SCOC: variants seen among roughly 807,000 people sequenced by gnomAD.
The protein encoded by SCOC is short coiled-coil protein.
SCOC carries 7 observed loss-of-function variants against 9.9 expected under a neutral mutation model. The ratio of observed to expected loss-of-function variants is 0.71; its 90% CI spans 0.40 to 1.33. SCOC has a LOEUF of 1.33. Ranked by LOEUF, SCOC falls within the 40% of genes most tolerant of loss-of-function variation. The pLI, the probability that SCOC is intolerant of heterozygous loss-of-function variation, is 0.01. For missense variants in SCOC, 66 were observed against 89.7 expected (o/e 0.74, Z 1.07); for synonymous variants, 19 against 28.2 (o/e 0.67, Z 1.03).
intron 1 of SCOC, among the ~76,000 whole-genome samples, chr4:140,273,415 A>T (rs1730895226): frequency 1.3e-5 from 2 of 152,094 alleles, no homozygotes; most frequent in South Asian, 4.1e-4. Context: ...CTTTGGAAAG[A>T]TATTTTTTTC....
At chr4:140,365,246 C>A (rs1208073917) in intron 2 of SCOC, among the ~76,000 whole-genome samples, 1 of 149,782 alleles carries the variant, frequency 6.7e-6, no homozygotes, top group African/African-American at 2.5e-5. Context: ...CTAACAGATA[C>A]CACAGCAGAG....
intron 1 of SCOC, among the ~76,000 whole-genome samples, chr4:140,306,804 A>G (rs376050679): frequency 6.6e-6 from 1 of 152,198 alleles, no homozygotes; most frequent in African/African-American, 2.4e-5. Context: ...GGAATGATCG[A>G]CATTCCCTTG....
rs1365932734 is a variant in SCOC, at chr4:140,384,101, T to A, written c.*2997T>A. ...TCATGAGGTTCCTTGTATCAAAACT[T>A]TGTCTATTCCCTTCTATCTTTGCTT... On this transcript the variant is annotated 3_prime_UTR_variant, in exon 4 of 4. Transcript: ENST00000608372. The A allele has an allele frequency of 6.6e-6, 1 of 152,214 alleles. No individual in the cohort carries two copies. The highest frequency in any genetic ancestry group is 1.9e-4 in the East Asian group (1 of 5,188). 9.4% of individuals were successfully genotyped at this position (152,214 alleles called of 1,614,324 possible).
At chr4:140,345,750 CAT>C (rs952206580) in intron 2 of SCOC, among the ~76,000 whole-genome samples, 10 of 151,928 alleles carry the variant, frequency 6.6e-5, no homozygotes, top group African/African-American at 2.4e-4. Flanking sequence ...TGTACATATA[CAT>C]ATATATATGT....
intron 2 of SCOC, among the ~76,000 whole-genome samples, chr4:140,345,345 C>T (rs1049506287): frequency 1.3e-5 from 2 of 152,136 alleles, no homozygotes; most frequent in African/African-American, 4.8e-5. Flanking sequence ...AGCATAATAA[C>T]CAGTGGTGGA....
chr4:140,279,650 C>T (rs1297263938), intron 1 of SCOC, among the ~76,000 whole-genome samples: 1 of 152,202 alleles, frequency 6.6e-6, no homozygotes, highest in Admixed American at 6.5e-5. Flanking sequence ...AAAAGGCCTG[C>T]TGCCACCAGC....
At position 140,306,578 on chromosome 4, in the gene SCOC, A is replaced by G. The variant is rs72937791; in HGVS notation, c.-18-37043A>G. 8.4e-3 allele frequency among the ~76,000 whole-genome samples: 1,275 copies of G among 152,096 alleles called. 7 individuals are homozygous for G. Among genetic ancestry groups the G allele is most frequent in the African/African-American group, 0.029 (1,189 of 41,480 alleles). On this transcript the variant is annotated intron_variant, in intron 1 of 4. Coordinates refer to the SCOC transcript ENST00000394205. The stretch of plus-strand genomic sequence containing the variant: ...AGAGGTATCAAGGAGATGTGCCTGG[A>G]CCACCCAGACAACACTGGAGGCCTG...
At chr4:140,283,207 C>A (rs1157425735) in intron 1 of SCOC, among the ~76,000 whole-genome samples, 2 of 152,124 alleles carry the variant, frequency 1.3e-5, no homozygotes, top group African/African-American at 4.8e-5. Flanking sequence ...GAGACCTGCC[C>A]ATTTTACTAA....
intron 1 of SCOC, among the ~76,000 whole-genome samples, chr4:140,295,582 C>G (rs1398007510): frequency 6.6e-6 from 1 of 152,142 alleles, no homozygotes; most frequent in Non-Finnish European, 1.5e-5. Flanking sequence ...GGCGTGGCCC[C>G]GCCTGCTGGC....
At chr4:140,365,206 C>A (rs1578865857) in intron 2 of SCOC, among the ~76,000 whole-genome samples, 1 of 146,648 alleles carries the variant, frequency 6.8e-6, no homozygotes, top group East Asian at 2.0e-4. Context: ...TGAAGGGTTT[C>A]AAGATCTGGA....
intron 1 of SCOC, among the ~76,000 whole-genome samples, chr4:140,271,081 G>C (rs566833175): frequency 6.6e-6 from 1 of 152,306 alleles, no homozygotes; most frequent in South Asian, 2.1e-4. Flanking sequence ...TGAGGATGCT[G>C]AGTAATTTCT....
At chr4:140,262,631 G>A (rs573390981) in intron 1 of SCOC, among the ~76,000 whole-genome samples, 6 of 152,236 alleles carry the variant, frequency 3.9e-5, no homozygotes, top group South Asian at 2.1e-4. Flanking sequence ...ATGAGAGAAC[G>A]TATTAGTCGG....
chr4:140,287,116 C>T lies in SCOC; in HGVS notation c.-19+29706C>T, dbSNP rs1731297379. Among the ~76,000 whole-genome samples, 4 of 152,190 alleles carry T rather than the reference C, an allele frequency of 2.6e-5. No individual in the cohort carries two copies. The South Asian group carries it at 8.3e-4, about 32-fold the overall frequency. On this transcript the variant is annotated intron_variant, in intron 1 of 4. Coordinates refer to the SCOC transcript ENST00000394205. ...ATACCATAGATCACACATATGTACA[C>T]ACATGCTACACACACATCATGTGCA...
chr4:140,338,220 C>A (rs1388517044), intron 1 of SCOC, among the ~76,000 whole-genome samples: 1 of 152,064 alleles, frequency 6.6e-6, no homozygotes, highest in South Asian at 2.1e-4. Flanking sequence ...TCAATAGATG[C>A]AGAAAAGGCC....
At chr4:140,367,387 A>AT (rs928903179) in intron 2 of SCOC, among the ~76,000 whole-genome samples, 140 of 149,100 alleles carry the variant, frequency 9.4e-4, no homozygotes, top group Middle Eastern at 6.9e-3. Flanking sequence ...AAGCCAGATT[A>AT]TTTTTTTTTT....
intron 1 of SCOC, among the ~76,000 whole-genome samples, chr4:140,277,742 G>A (rs1218922220): frequency 2.0e-5 from 3 of 152,108 alleles, no homozygotes; most frequent in Non-Finnish European, 2.9e-5. Flanking sequence ...AGAATGTGAT[G>A]GCCACTGATT....
intron 1 of SCOC, among the ~76,000 whole-genome samples, chr4:140,330,195 G>A (rs1326994385): frequency 6.6e-6 from 1 of 152,120 alleles, no homozygotes; most frequent in African/African-American, 2.4e-5. Context: ...AAGTAACTCA[G>A]GAGTGGAAAA....
intron 1 of SCOC, among the ~76,000 whole-genome samples, chr4:140,374,742 C>G (rs1399180255): frequency 6.6e-6 from 1 of 152,082 alleles, no homozygotes; most frequent in East Asian, 1.9e-4. Context: ...AAAGTTTTTT[C>G]CATTGCATAA....
rs866632090 is a variant in SCOC, at chr4:140,351,007, T to A, written c.70+7299T>A. ...GAGTTTGAGACCAGCCTGGCCAACA[T>A]AGAGAAACCCCATCTCTACTTAAAA... On this transcript the variant is annotated intron_variant, in intron 2 of 4. Coordinates refer to the SCOC transcript ENST00000338517. Among the ~76,000 whole-genome samples the A allele has an allele frequency of 2.0e-5, 3 of 151,098 alleles. No individual in the cohort carries two copies. The East Asian group carries it at 5.9e-4, about 30-fold the overall frequency.
Sources: allele counts gnomAD v4.1 joint callset (sites outside exome capture counted in the v4.1 genomes callset), GRCh38; gene constraint gnomAD v4.1.1; transcripts MANE v1.5; gene names NCBI Gene and HGNC (gene_info 2026-07-23, HGNC 2026-07-21).